CCDC61: variants seen among roughly 807,000 people sequenced by gnomAD.
The protein encoded by CCDC61 is coiled-coil domain containing 61, also known as centrosomal protein CCDC61.
Under a neutral mutation model 63.0 loss-of-function variants are expected in CCDC61, and 55 were observed. The observed-to-expected ratio is 0.87, with a 90% CI of 0.70 to 1.09. The LOEUF (loss-of-function observed/expected upper bound fraction) is 1.09. Ranked by LOEUF, CCDC61 falls within the 50% of genes least tolerant of loss-of-function variation. CCDC61 has a pLI of 0.00. For missense variants in CCDC61, 651 were observed against 731.4 expected (o/e 0.89, Z 1.27); for synonymous variants, 270 against 317.0 (o/e 0.85, Z 1.58).
chr19:46,014,786 A>G (rs1217399719), intron 5 of CCDC61, among the ~76,000 whole-genome samples: 1 of 152,136 alleles, frequency 6.6e-6, no homozygotes, highest in Non-Finnish European at 1.5e-5. Flanking sequence ...CACCCGCACC[A>G]GGGGGAGGAG....
intron 1 of CCDC61, among the ~76,000 whole-genome samples, chr19:46,000,591 G>A (rs1968572005): frequency 6.6e-6 from 1 of 151,952 alleles, no homozygotes; most frequent in African/African-American, 2.4e-5. Context: ...GAATTCCGTG[G>A]CCATCTGGGG....
At chr19:46,004,523 G>A (rs1354098626) in intron 3 of CCDC61, among the ~76,000 whole-genome samples, 1 of 152,146 alleles carries the variant, frequency 6.6e-6, no homozygotes, top group East Asian at 1.9e-4. Context: ...GGAGTGCAGT[G>A]GCGTGATCTC....
chr19:46,016,745 C>A lies in CCDC61; in HGVS notation c.1143C>A (p.Ser381=), dbSNP rs748403747. 5.6e-6 allele frequency: 9 copies of A among 1,603,746 alleles called. No individual in the cohort carries two copies. Among genetic ancestry groups the A allele is most frequent in the South Asian group, 4.5e-5 (4 of 89,192 alleles). Residue 381 remains serine (S), a synonymous_variant, in exon 10 of 14, where the codon TCC becomes TCA. Coordinates refer to ENST00000595358, the MANE Select transcript of CCDC61 (RefSeq NM_001267723.2). This position sits in a 1 kb window ranked among gnomAD's most constrained non-coding sequence, Gnocchi z 7.2. ...LGSGGSGDGP[S]VSWSRQTQPP... ...GTGGGGGAAGCGGGGACGGTCCGTC[C>A]GTCTCCTGGTCTCGCCAGACCCAGC...
chr19:46,013,937 G>A (rs182523239), intron 5 of CCDC61, among the ~76,000 whole-genome samples: 45 of 151,974 alleles, frequency 3.0e-4, no homozygotes, highest in African/African-American at 1.0e-3. Context: ...CTCAAACGAT[G>A]TGTTTTAGTC....
At chr19:46,009,797 T>C (rs1259036176) in intron 5 of CCDC61, among the ~76,000 whole-genome samples, 1 of 146,140 alleles carries the variant, frequency 6.8e-6, no homozygotes, top group Non-Finnish European at 1.5e-5. Flanking sequence ...GGATCTGCTC[T>C]CAGGCTGTGT....
Position 46,006,835 on chromosome 19 carries a change from G to A in CCDC61, c.389+119G>A. On this transcript the variant is annotated intron_variant, in intron 4 of 13. Transcript: ENST00000595358. ...TGATATTGGTTAAGCCTTGCCTTGG[G>A]AATCTTCCCTGTTGGGGTTTGTATC... The A allele has an allele frequency of 4.3e-6, 4 of 926,860 alleles. No individual in the cohort carries two copies. The South Asian group carries it at 7.1e-5, about 17-fold the overall frequency. The allele number at this position is 926,860 out of a possible 1,614,324, so 57.4% of individuals were successfully genotyped here. A position where few individuals can be genotyped will look rare whatever the true frequency, so the allele number is the denominator to read the frequency against.
At chr19:46,009,820 G>T (rs1361575104) in intron 5 of CCDC61, among the ~76,000 whole-genome samples, 1 of 150,056 alleles carries the variant, frequency 6.7e-6, no homozygotes, top group African/African-American at 2.5e-5. Context: ...GTGTGTATGT[G>T]TGTGTGTGTG....
intron 5 of CCDC61, among the ~76,000 whole-genome samples, chr19:46,008,726 T>C (rs1248902727): frequency 2.0e-5 from 3 of 152,148 alleles, no homozygotes; most frequent in Non-Finnish European, 4.4e-5. Context: ...CCCTCTTCTG[T>C]ACCTTTGTGC....
At chr19:45,999,896 C>A (rs2146452423) in intron 1 of CCDC61, 1 of 354,766 alleles carries the variant, frequency 2.8e-6, no homozygotes, top group South Asian at 1.1e-4. Flanking sequence ...GTGGTGACGT[C>A]ATGGGTTGGT....
At chr19:45,998,396 T>C (rs570279178) in intron 1 of CCDC61, among the ~76,000 whole-genome samples, 4 of 152,338 alleles carry the variant, frequency 2.6e-5, no homozygotes, top group African/African-American at 7.2e-5. Flanking sequence ...TCCTTGGCCA[T>C]CACTGTGAGA....
chr19:46,016,925 G>T lies in CCDC61; in HGVS notation c.1232-66G>T. On this transcript the variant is annotated intron_variant, in intron 10 of 13. Transcript: ENST00000595358. This position sits in a 1 kb window ranked among gnomAD's most constrained non-coding sequence, Gnocchi z 7.2. The stretch of plus-strand genomic sequence containing the variant: ...GCACTGGGCAGGGCGGGCGGGCTGG[G>T]AGGGCCTGGGAAGCACTGGGCGGGG... 3.8e-6 allele frequency: 2 copies of T among 529,018 alleles called. No homozygotes were observed. Among genetic ancestry groups the T allele is most frequent in the South Asian group, 1.5e-5 (1 of 65,096 alleles). The allele number at this position is 529,018 out of a possible 1,614,324, so 32.8% of individuals were successfully genotyped here.
intron 5 of CCDC61, among the ~76,000 whole-genome samples, chr19:46,012,003 G>A (rs1281773669): frequency 5.3e-5 from 8 of 152,124 alleles, no homozygotes; most frequent in East Asian, 1.9e-4. Flanking sequence ...GGGTTTCACC[G>A]TGTTGGCCAG....
Position 46,016,778 on chromosome 19 carries a change from T to C in CCDC61, c.1176T>C (p.Ala392=). 1.3e-6 allele frequency: 2 copies of C among 1,556,308 alleles called. No homozygotes were observed. The highest frequency in any genetic ancestry group is 8.7e-7 in the Non-Finnish European group (1 of 1,151,430). Residue 392 remains alanine (A), a synonymous_variant, in exon 10 of 14, where the codon GCT becomes GCC. Coordinates refer to ENST00000595358, the MANE Select transcript of CCDC61 (RefSeq NM_001267723.2). This position sits in a 1 kb window ranked among gnomAD's most constrained non-coding sequence, Gnocchi z 7.2. Reference sequence around the variant, plus strand: ...GGTCTCGCCAGACCCAGCCCCCTGCTGCCTTGACTGGCCGAGGGGACGCCC... The same window carrying C: ...GGTCTCGCCAGACCCAGCCCCCTGCCGCCTTGACTGGCCGAGGGGACGCCC... ...VSWSRQTQPP[A]ALTGRGDAPN... is the part of the protein sequence containing the mutation.
At position 46,009,816 on chromosome 19, in the gene CCDC61, A is replaced by ATGTGTGTGTGTGTGTGTG. The variant is rs761965873; in HGVS notation, c.551+1520_551+1537dup. 8.7e-3 allele frequency among the ~76,000 whole-genome samples: 990 copies of ATGTGTGTGTGTGTGTGTG among 113,288 alleles called. 7 individuals carry two copies. Among genetic ancestry groups the ATGTGTGTGTGTGTGTGTG allele is most frequent in the Middle Eastern group, 0.022 (5 of 228 alleles). 74.3% of individuals were successfully genotyped at this position (113,288 alleles called of 152,430 possible). ...CTGCTCTCAGGCTGTGTGTGTGTGT[A>ATGTGTGTGTGTGTGTGTG]TGTGTGTGTGTGTGTGTGTGTGCGC... On this transcript the variant is annotated intron_variant, in intron 5 of 13. Transcript: ENST00000595358.
At chr19:46,006,753 G>T (rs772718265) in intron 4 of CCDC61, 37 bp downstream of exon 4, 2 of 1,563,588 alleles carry the variant, frequency 1.3e-6, no homozygotes, top group East Asian at 2.3e-5. Context: ...CCAGGCTGGT[G>T]GGCGGGGTGG....
rs1322603927 is a variant in CCDC61, at chr19:46,015,339, C to T, written c.763-6C>T. On this transcript the variant is annotated splice_polypyrimidine_tract_variant and splice_region_variant and intron_variant, in intron 6 of 13. Transcript: ENST00000595358. This position sits in a 1 kb window ranked among gnomAD's most constrained non-coding sequence, Gnocchi z 5.3. ...GGACCTCCGCGCCCCTCTCCCCTCC[C>T]GGCAGCTCGAGGAGGCGAAGGCATC... The T allele has an allele frequency of 5.6e-6, 9 of 1,599,248 alleles. No individual in the cohort carries two copies. The Admixed American group carries it at 8.4e-5, about 15-fold the overall frequency.
chr19:45,995,557 G>A (rs1968476958), intron 1 of CCDC61, 53 bp downstream of exon 1: 1 of 468,252 alleles, frequency 2.1e-6, no homozygotes, highest in African/African-American at 2.0e-5. Context: ...GGTCTTAGGT[G>A]GAGGGGAAGG....
chr19:46,007,288 A>G (rs191279593), intron 4 of CCDC61, among the ~76,000 whole-genome samples: 1 of 152,038 alleles, frequency 6.6e-6, no homozygotes, highest in East Asian at 1.9e-4. Context: ...GCCTCAAGTG[A>G]TCCTCCTGCC....
chr19:46,009,880 T>C (rs1269548662), intron 5 of CCDC61, among the ~76,000 whole-genome samples: 4 of 147,502 alleles, frequency 2.7e-5, no homozygotes, highest in African/African-American at 9.7e-5. Context: ...TGTGTGTTTC[T>C]AGGTTTGTGT....
Sources: allele counts gnomAD v4.1 joint callset (sites outside exome capture counted in the v4.1 genomes callset), GRCh38; gene constraint gnomAD v4.1.1; non-coding constraint Gnocchi (gnomAD v3.1); transcripts MANE v1.5; gene names NCBI Gene and HGNC (gene_info 2026-07-23, HGNC 2026-07-21).